The following FNIP2 variants were observed in gnomAD, a reference collection of about 807,000 sequenced individuals.
FNIP2 encodes the protein folliculin interacting protein 2.
A neutral mutation model predicts 108.7 loss-of-function variants in FNIP2; 32 were observed. The ratio of observed to expected loss-of-function variants is 0.29; its 90% CI spans 0.22 to 0.40. FNIP2 has a LOEUF of 0.40. FNIP2 is among the 10% of genes least tolerant of loss of function. FNIP2 has a pLI of 1.00. For missense variants in FNIP2, 1,202 were observed against 1,381.6 expected (o/e 0.87, Z 2.06); for synonymous variants, 480 against 496.7 (o/e 0.97, Z 0.45).
At chr4:158,820,367 T>G (rs771343687) in intron 1 of FNIP2, among the ~76,000 whole-genome samples, 11 of 152,188 alleles carry the variant, frequency 7.2e-5, no homozygotes, top group Non-Finnish European at 1.5e-4. Context: ...AGAACTGGTC[T>G]CAAAGGATAT....
At chr4:158,883,949 C>CTTTTTT (rs33942642) in intron 14 of FNIP2, among the ~76,000 whole-genome samples, 2 of 89,000 alleles carry the variant, frequency 2.2e-5, no homozygotes, top group African/African-American at 4.3e-5. Context: ...TTAATAAGCT[C>CTTTTTT]TTTTTTTTTT....
chr4:158,880,802 G>T (rs1781546572), intron 14 of FNIP2, among the ~76,000 whole-genome samples: 1 of 152,168 alleles, frequency 6.6e-6, no homozygotes, highest in African/African-American at 2.4e-5. Flanking sequence ...GTTGGCCAAG[G>T]ACGACCTTGT....
chr4:158,878,535 C>G (rs1347325630), intron 14 of FNIP2, among the ~76,000 whole-genome samples: 2 of 152,144 alleles, frequency 1.3e-5, no homozygotes, highest in Non-Finnish European at 2.9e-5. Flanking sequence ...AACATAAAAC[C>G]AGAAGCATAG....
At chr4:158,885,594 G>T (rs140857162) in intron 14 of FNIP2, among the ~76,000 whole-genome samples, 2 of 152,310 alleles carry the variant, frequency 1.3e-5, no homozygotes, top group East Asian at 3.9e-4. Context: ...AGAGAGGGTG[G>T]TTCAGGACAG....
chr4:158,838,319 T>A (rs1185175099), intron 7 of FNIP2, among the ~76,000 whole-genome samples: 1 of 150,516 alleles, frequency 6.6e-6, no homozygotes, highest in Non-Finnish European at 1.5e-5. Flanking sequence ...CTCCCAAGCT[T>A]AAGCCATCCT....
rs182229871 is a variant in FNIP2 at position 158,777,127 on chromosome 4, T to C, written c.107+7808T>C. 7.2e-5 allele frequency among the ~76,000 whole-genome samples: 11 copies of C among 152,312 alleles called. No individual in the cohort carries two copies. In the East Asian group the frequency reaches 1.7e-3, roughly 24 times the overall value. On this transcript the variant is annotated intron_variant, in intron 1 of 16. Coordinates refer to ENST00000264433, the MANE Select transcript of FNIP2 (RefSeq NM_020840.3). ...AATCCCACAGCTGTCAGAAATGACC[T>C]ACTGAAAAATGATTTAAATATTTAT...
At chr4:158,877,956 C>T (rs1781375334) in intron 14 of FNIP2, among the ~76,000 whole-genome samples, 1 of 151,500 alleles carries the variant, frequency 6.6e-6, no homozygotes, top group African/African-American at 2.4e-5. Flanking sequence ...CACCCCCCCT[C>T]ACCCACCGAC....
intron 1 of FNIP2, among the ~76,000 whole-genome samples, chr4:158,815,910 G>A (rs550057819): frequency 6.6e-6 from 1 of 152,022 alleles, no homozygotes; most frequent in Non-Finnish European, 1.5e-5. Context: ...TGTCAGTATA[G>A]CACTCCCTTG....
At chr4:158,835,521 C>A in intron 7 of FNIP2, 45 bp downstream of exon 7, 2 of 1,560,528 alleles carry the variant, frequency 1.3e-6, no homozygotes, top group East Asian at 4.5e-5. Context: ...AGTGAACTAT[C>A]TACAGTGGTG....
intron 16 of FNIP2, among the ~76,000 whole-genome samples, chr4:158,901,128 ATTTTTT>A (rs140017298): frequency 1.8e-5 from 2 of 112,300 alleles, no homozygotes; most frequent in African/African-American, 7.4e-5. Flanking sequence ...CTGGGTTGAA[ATTTTTT>A]TTTTTTTTTT....
chr4:158,826,361 T>C (rs1778156475), intron 2 of FNIP2, among the ~76,000 whole-genome samples: 1 of 152,206 alleles, frequency 6.6e-6, no homozygotes, highest in South Asian at 2.1e-4. Context: ...AGTGAGTGCC[T>C]CAAATGTAAT....
chr4:158,825,893 C>A (rs1435558361), intron 1 of FNIP2, 23 bp from the exon 2 acceptor site: 1 of 1,598,494 alleles, frequency 6.3e-7, no homozygotes, highest in Non-Finnish European at 8.6e-7. Context: ...AACATAACTT[C>A]TTTTGCCCTT....
chr4:158,843,697 G>A (rs1366482823), intron 7 of FNIP2, among the ~76,000 whole-genome samples: 1 of 152,204 alleles, frequency 6.6e-6, no homozygotes, highest in Non-Finnish European at 1.5e-5. Flanking sequence ...GCTAGGGCTA[G>A]TGCAAAGATG....
At chr4:158,860,160 A>G (rs1050386619) in intron 10 of FNIP2, among the ~76,000 whole-genome samples, 1 of 152,112 alleles carries the variant, frequency 6.6e-6, no homozygotes, top group African/African-American at 2.4e-5. Flanking sequence ...TCTGTGTGGA[A>G]AGGTAAATTG....
At chr4:158,870,575 T>TA in intron 14 of FNIP2, 106 bp downstream of exon 14, 1 of 1,390,572 alleles carries the variant, frequency 7.2e-7, no homozygotes. Flanking sequence ...AGGGGTTGTT[T>TA]ATGGAGATGT....
At chr4:158,876,927 G>C (rs1238139170) in intron 14 of FNIP2, among the ~76,000 whole-genome samples, 2 of 152,166 alleles carry the variant, frequency 1.3e-5, no homozygotes, top group African/African-American at 4.8e-5. Context: ...GCTTATTATA[G>C]GTCTCTTGGG....
At chr4:158,901,424 T>A (rs1224037042) in intron 16 of FNIP2, among the ~76,000 whole-genome samples, 1 of 152,156 alleles carries the variant, frequency 6.6e-6, no homozygotes, top group Non-Finnish European at 1.5e-5. Flanking sequence ...TTAACATTTT[T>A]TTCCTTCATT....
At chr4:158,795,511 G>T (rs1226510107) in intron 1 of FNIP2, among the ~76,000 whole-genome samples, 1 of 152,224 alleles carries the variant, frequency 6.6e-6, no homozygotes, top group East Asian at 1.9e-4. Flanking sequence ...AGCAGCTAAA[G>T]CACTAAACTT....
intron 14 of FNIP2, among the ~76,000 whole-genome samples, chr4:158,887,758 C>CA (rs1389923306): frequency 9.1e-6 from 1 of 109,824 alleles, no homozygotes; most frequent in Non-Finnish European, 1.8e-5. Context: ...AAAAAAAAAA[C>CA]CCAAGAGGAA....
Sources: allele counts gnomAD v4.1 joint callset (sites outside exome capture counted in the v4.1 genomes callset), GRCh38; gene constraint gnomAD v4.1.1; transcripts MANE v1.5; gene names NCBI Gene and HGNC (gene_info 2026-07-23, HGNC 2026-07-21).